UBE3D: variants seen among roughly 807,000 people sequenced by gnomAD.
UBE3D encodes E3 ubiquitin-protein ligase E3D.
Under a neutral mutation model 49.6 loss-of-function variants are expected in UBE3D, and 48 were observed. The ratio of observed to expected loss-of-function variants is 0.97; its 90% CI spans 0.77 to 1.23. The LOEUF (loss-of-function observed/expected upper bound fraction) is 1.23. Among genes scored for constraint, UBE3D ranks in the 50% most tolerant of loss-of-function variants. The pLI is 0.00. For synonymous variants in UBE3D, 189 were observed against 174.2 expected (o/e 1.08, Z -0.67); for missense variants, 452 against 468.4 (o/e 0.96, Z 0.32).
chr6:82,936,575 C>CA (rs2127750375), intron 9 of UBE3D, among the ~76,000 whole-genome samples: 1 of 152,188 alleles, frequency 6.6e-6, no homozygotes, highest in African/African-American at 2.4e-5. Context: ...ATTATTCTGC[C>CA]AATTTAGTCT....
the UBE3D span, among the ~76,000 whole-genome samples, chr6:82,883,566 G>T: frequency 2.0e-5 from 3 of 152,236 alleles, no homozygotes; most frequent in South Asian, 6.2e-4. Context: ...TAAAACACAA[G>T]AATCATTATA....
intron 8 of UBE3D, among the ~76,000 whole-genome samples, chr6:83,004,578 A>G (rs780952119): frequency 8.5e-5 from 13 of 152,218 alleles, no homozygotes; most frequent in Non-Finnish European, 1.8e-4. Context: ...TGGAATAAAC[A>G]CTTACTTGAG....
chr6:82,894,199 C>G (rs370948774), intron 9 of UBE3D, among the ~76,000 whole-genome samples: 19 of 152,142 alleles, frequency 1.2e-4, no homozygotes, highest in African/African-American at 4.6e-4. Flanking sequence ...CCCACCCCCC[C>G]AACCATTTCA....
intron 5 of UBE3D, among the ~76,000 whole-genome samples, chr6:83,031,596 G>A (rs1472805249): frequency 6.6e-6 from 1 of 152,134 alleles, no homozygotes; most frequent in Non-Finnish European, 1.5e-5. Context: ...ACTTCCATGG[G>A]GCGTTACAGT....
At chr6:82,951,520 T>C (rs1432698917) in intron 9 of UBE3D, among the ~76,000 whole-genome samples, 1 of 152,170 alleles carries the variant, frequency 6.6e-6, no homozygotes, top group Non-Finnish European at 1.5e-5. Flanking sequence ...CAAGGAAGAC[T>C]CTTCTGGAGC....
chr6:82,908,701 AT>A (rs775396302), intron 9 of UBE3D, among the ~76,000 whole-genome samples: 24 of 152,164 alleles, frequency 1.6e-4, no homozygotes, highest in Non-Finnish European at 2.8e-4. Flanking sequence ...TTTATTAAAA[AT>A]ATTAGGAGAA....
intron 9 of UBE3D, among the ~76,000 whole-genome samples, chr6:82,955,488 G>A (rs1255011687): frequency 6.6e-6 from 1 of 152,164 alleles, no homozygotes; most frequent in Non-Finnish European, 1.5e-5. Context: ...ACTCCTCAAA[G>A]ATAACCACTG....
intron 8 of UBE3D, among the ~76,000 whole-genome samples, chr6:83,003,675 T>C (rs867288805): frequency 3.3e-5 from 5 of 152,326 alleles, no homozygotes; most frequent in African/African-American, 9.6e-5. Context: ...CATTGAATAC[T>C]GTAGGCAATG....
chr6:82,972,515 T>C (rs988635089), intron 8 of UBE3D, among the ~76,000 whole-genome samples: 23 of 152,326 alleles, frequency 1.5e-4, no homozygotes, highest in Non-Finnish European at 2.5e-4. Context: ...TTTAAGCCTT[T>C]AGACCTTTTG....
chr6:83,021,227 G>GCCCAGGAGTTTGAGA (rs1264413886), intron 7 of UBE3D, among the ~76,000 whole-genome samples: 17 of 151,984 alleles, frequency 1.1e-4, no homozygotes, highest in African/African-American at 4.1e-4. Flanking sequence ...GATTACTTCA[G>GCCCAGGAGTTTGAGA]CCCAGGAGTT....
Position 83,022,489 on chromosome 6 carries a change from G to C in UBE3D, c.810C>G (p.Phe270Leu). 3 of 1,605,154 alleles carry C rather than the reference G, an allele frequency of 1.9e-6. No individual in the cohort carries two copies. The highest frequency in any genetic ancestry group is 2.5e-6 in the Non-Finnish European group (3 of 1,176,506). ...QLSSARSTFR[F>L]TIQGQDDKVY... ...CTTTGTCATCCTGACCTTGAATCGT[G>C]AATCTAAAAGTGCTTCTAGCAGAGG... The change falls in exon 7 of 10, where the codon TTC (phenylalanine) becomes TTG (leucine). Residue 270 changes from phenylalanine to leucine, a missense_variant. By Grantham distance (22) the Phe-to-Leu change is conservative (BLOSUM62 0). Transcript: ENST00000369747.
At chr6:83,033,844 A>C (rs1024018389) in intron 5 of UBE3D, among the ~76,000 whole-genome samples, 1 of 152,164 alleles carries the variant, frequency 6.6e-6, no homozygotes, top group African/African-American at 2.4e-5. Flanking sequence ...TATCCTCCTT[A>C]AAATTTCTAC....
chr6:82,954,614 AT>A lies in UBE3D; in HGVS notation c.1149+2697del, dbSNP rs1776031053. Reference sequence around the variant, plus strand: ...TGTAAAGATAACTTTAACAAGTGTCATTCTGCTATTTTATAGCTCTTGCCAA... The same window carrying A: ...TGTAAAGATAACTTTAACAAGTGTCATCTGCTATTTTATAGCTCTTGCCAA... On this transcript the variant is annotated intron_variant, in intron 9 of 9. Coordinates refer to ENST00000369747, the MANE Select transcript of UBE3D (RefSeq NM_198920.3). Among the ~76,000 whole-genome samples the A allele has an allele frequency of 4.6e-5, 7 of 152,326 alleles. No individual in the cohort carries two copies. In the South Asian group the frequency reaches 1.4e-3, roughly 32 times the overall value.
chr6:82,889,138 C>G (rs1328892), downstream of UBE3D, among the ~76,000 whole-genome samples: 1 of 151,984 alleles, frequency 6.6e-6, no homozygotes, highest in Non-Finnish European at 1.5e-5. Context: ...ATGGGTAACA[C>G]TAATGGTGAT....
chr6:82,934,738 G>A (rs979307036), intron 9 of UBE3D, among the ~76,000 whole-genome samples: 2 of 150,974 alleles, frequency 1.3e-5, no homozygotes, highest in Non-Finnish European at 2.9e-5. Flanking sequence ...ATATTTATAG[G>A]CTATGTTAAT....
chr6:82,967,588 C>T (rs940994060), intron 8 of UBE3D, among the ~76,000 whole-genome samples: 1 of 152,052 alleles, frequency 6.6e-6, no homozygotes, highest in Non-Finnish European at 1.5e-5. Flanking sequence ...TTTTTTATAA[C>T]TCACCATAAT....
chr6:83,044,450 G>T lies in UBE3D; in HGVS notation c.575C>A (p.Ser192Tyr), dbSNP rs142920762. 2,388 of 1,614,066 alleles carry T rather than the reference G, an allele frequency of 1.5e-3. 10 individuals carry two copies. Among genetic ancestry groups the T allele is most frequent in the Middle Eastern group, 0.011 (66 of 6,060 alleles). Residue 192 changes from serine to tyrosine, a missense_variant, in exon 4 of 10, where the codon TCT becomes TAT. By Grantham distance (144) the Ser-to-Tyr change is moderately radical. Transcript: ENST00000369747. ...ELSPVEMCCV[S>Y]SDNHCKLEPK... is the part of the protein sequence containing the mutation. ...TACCAATTTACAATGGTTGTCAGAA[G>T]AAACACAGCACATCTCCACTGGGGA...
intron 8 of UBE3D, among the ~76,000 whole-genome samples, chr6:82,978,108 C>T (rs771712112): frequency 8.2e-5 from 12 of 146,374 alleles, no homozygotes; most frequent in South Asian, 7.0e-4. Context: ...AGTGCAGATA[C>T]CACAAATGAA....
intron 5 of UBE3D, among the ~76,000 whole-genome samples, chr6:83,031,159 C>T (rs968168445): frequency 6.6e-6 from 1 of 152,150 alleles, no homozygotes; most frequent in African/African-American, 2.4e-5. Context: ...AGGCGTGCAC[C>T]AATATGCCTG....
Sources: gnomAD v4.1 joint callset for allele counts (sites outside exome capture counted in the v4.1 genomes callset) on GRCh38, gnomAD v4.1.1 for gene constraint, MANE v1.5 for transcripts, NCBI Gene and HGNC (gene_info 2026-07-23, HGNC 2026-07-21) for gene names.